Variants in RYR3 observed in about 807,000 individuals in gnomAD.
RYR3 encodes ryanodine receptor 3.
A neutral mutation model predicts 584.3 loss-of-function variants in RYR3; 207 were observed. The ratio of observed to expected loss-of-function variants is 0.35; its 90% CI spans 0.32 to 0.40. The LOEUF (loss-of-function observed/expected upper bound fraction) is 0.40, where lower values mean the gene tolerates loss of function less well. RYR3 is among the 10% of genes least tolerant of loss of function. The pLI is 1.00. For synonymous variants in RYR3, 2,416 were observed against 2,248.5 expected, an observed-to-expected ratio of 1.07 and a Z score of -2.11; for missense variants, 5,616 against 6,089.2, an observed-to-expected ratio of 0.92 and a Z score of 2.59.
chr15:33,480,041 G>C (rs1387100625), intron 2 of RYR3, among the ~76,000 whole-genome samples: 1 of 152,132 alleles, frequency 6.6e-6, no homozygotes, highest in Non-Finnish European at 1.5e-5. Context: ...TCTATATTGG[G>C]ATAGAGGTAC....
intron 3 of RYR3, among the ~76,000 whole-genome samples, chr15:33,521,148 A>G (rs536130119): frequency 5.7e-4 from 87 of 152,100 alleles, no homozygotes; most frequent in Non-Finnish European, 1.1e-3. Context: ...AGGTTACCAT[A>G]GCATCTCGTT....
At position 33,862,896 on chromosome 15, in the gene RYR3, C is replaced by T. The variant is rs573212995; in HGVS notation, c.14466-1242C>T. Among the ~76,000 whole-genome samples the T allele has an allele frequency of 5.9e-5, 9 of 152,308 alleles. No homozygotes were observed. In the South Asian group the frequency reaches 8.3e-4, roughly 14 times the overall value. ...CCTCCCAAAGTGCTGGAATTAGAGG[C>T]GTGAGCCATCACACCCGGCCTCAAA... On this transcript the variant is annotated intron_variant, in intron 102 of 103. Transcript: ENST00000634891.
intron 1 of RYR3, among the ~76,000 whole-genome samples, chr15:33,375,402 C>T (rs180977976): frequency 1.3e-5 from 2 of 152,160 alleles, no homozygotes; most frequent in East Asian, 1.9e-4. Flanking sequence ...TGGATTGAGA[C>T]GGGGAGAGAT....
intron 8 of RYR3, among the ~76,000 whole-genome samples, chr15:33,544,731 T>C (rs1352809483): frequency 1.3e-5 from 2 of 152,262 alleles, no homozygotes. Flanking sequence ...TCTTCCTACT[T>C]GCTATCTACT....
At chr15:33,652,361 G>A (rs756981470) in intron 31 of RYR3, among the ~76,000 whole-genome samples, 1 of 152,132 alleles carries the variant, frequency 6.6e-6, no homozygotes, top group Non-Finnish European at 1.5e-5. Flanking sequence ...TTTGCCGAAG[G>A]TGGTCATTCA....
chr15:33,467,680 G>A (rs1159524074), intron 1 of RYR3, among the ~76,000 whole-genome samples: 1 of 152,170 alleles, frequency 6.6e-6, no homozygotes, highest in Non-Finnish European at 1.5e-5. Context: ...ACCACCACAA[G>A]CTGAATCTAT....
chr15:33,720,932 T>G (rs897296943), intron 43 of RYR3, among the ~76,000 whole-genome samples: 1 of 152,194 alleles, frequency 6.6e-6, no homozygotes, highest in Non-Finnish European at 1.5e-5. Context: ...AATGTTGTAT[T>G]AAATAGAACT....
At chr15:33,359,025 A>G (rs563305368) in intron 1 of RYR3, among the ~76,000 whole-genome samples, 2 of 152,284 alleles carry the variant, frequency 1.3e-5, no homozygotes, top group South Asian at 2.1e-4. Flanking sequence ...TTCAGAGCCA[A>G]CCTATGAAGT....
intron 1 of RYR3, among the ~76,000 whole-genome samples, chr15:33,423,879 A>G (rs559256097): frequency 5.9e-4 from 90 of 152,314 alleles, no homozygotes; most frequent in African/African-American, 2.1e-3. Flanking sequence ...CAGTTGAAGC[A>G]TTCTTCTAAA....
chr15:33,682,299 A>C (rs1414550398), intron 38 of RYR3, among the ~76,000 whole-genome samples: 1 of 152,156 alleles, frequency 6.6e-6, no homozygotes, highest in Non-Finnish European at 1.5e-5. Flanking sequence ...AAGACCCTCT[A>C]ACTCTTTGTT....
At chr15:33,577,040 C>T (rs966062582) in intron 12 of RYR3, among the ~76,000 whole-genome samples, 1 of 152,022 alleles carries the variant, frequency 6.6e-6, no homozygotes, top group African/African-American at 2.4e-5. Flanking sequence ...GAATAAAATA[C>T]CTAGGAATAC....
intron 102 of RYR3, among the ~76,000 whole-genome samples, chr15:33,861,991 T>C (rs1888414626): frequency 6.6e-6 from 1 of 152,070 alleles, no homozygotes; most frequent in African/African-American, 2.4e-5. Context: ...AGTGTTTCAC[T>C]TATTCTACGG....
intron 1 of RYR3, among the ~76,000 whole-genome samples, chr15:33,467,121 C>G (rs1022002203): frequency 1.3e-5 from 2 of 152,202 alleles, no homozygotes; most frequent in Non-Finnish European, 2.9e-5. Flanking sequence ...TATCAGTTCC[C>G]TAAGTGCCTG....
chr15:33,456,865 T>C (rs895841622), intron 1 of RYR3, among the ~76,000 whole-genome samples: 11 of 152,192 alleles, frequency 7.2e-5, no homozygotes, highest in African/African-American at 2.7e-4. Flanking sequence ...TTGCTTTATA[T>C]AAAAGATGTG....
chr15:33,425,808 AT>A lies in RYR3; in HGVS notation c.52-47604del, dbSNP rs528877547. On this transcript the variant is annotated intron_variant, in intron 1 of 103. Coordinates refer to ENST00000634891, the MANE Select transcript of RYR3 (RefSeq NM_001036.6). ...AGGCGCCCGCCACCACACCCGGCTA[AT>A]TTTTTTGTATTTTTAGTAGAGACGG... Among the ~76,000 whole-genome samples, 289 of 149,520 alleles carry A rather than the reference AT, an allele frequency of 1.9e-3. 7 individuals are homozygous for A. The Middle Eastern group carries it at 0.031, about 16-fold the overall frequency.
At chr15:33,392,333 ATG>A (rs1332882932) in intron 1 of RYR3, among the ~76,000 whole-genome samples, 1 of 151,128 alleles carries the variant, frequency 6.6e-6, no homozygotes, top group Non-Finnish European at 1.5e-5. Flanking sequence ...CAAGGTACCT[ATG>A]ATTATACCTT....
intron 38 of RYR3, among the ~76,000 whole-genome samples, chr15:33,672,564 G>T (rs977431903): frequency 6.6e-6 from 1 of 152,102 alleles, no homozygotes; most frequent in Non-Finnish European, 1.5e-5. Flanking sequence ...ACTCAAGCCT[G>T]GCATTTTAAA....
rs1323441499 is a variant in RYR3, at chr15:33,854,241, T to C, written c.13800-148T>C. The C allele has an allele frequency of 9.3e-6, 6 of 644,886 alleles. No individual in the cohort carries two copies. The Admixed American group carries it at 1.9e-4, about 20-fold the overall frequency. 39.9% of individuals were successfully genotyped at this position (644,886 alleles called of 1,614,324 possible). On this transcript the variant is annotated intron_variant, in intron 96 of 103. Transcript: ENST00000634891. ...GCTATGTGATTCAACTGTTCTCTTG[T>C]CTCATGGGGAGCACATACAACTTGA...
At chr15:33,859,483 ACAATCTGACCG>A in intron 99 of RYR3, 81 bp from the exon 100 acceptor site, 2 of 1,468,658 alleles carry the variant, frequency 1.4e-6, no homozygotes, top group South Asian at 2.5e-5. Flanking sequence ...TAGGGCTGCC[ACAATCTGACCG>A]AATCATATGA....
Sources: allele counts gnomAD v4.1 joint callset (sites outside exome capture counted in the v4.1 genomes callset), GRCh38; gene constraint gnomAD v4.1.1; transcripts MANE v1.5; gene names NCBI Gene and HGNC (gene_info 2026-07-23, HGNC 2026-07-21).